Variants in CSTL1 observed in about 807,000 individuals in gnomAD.
The protein encoded by CSTL1 is cystatin like 1.
In CSTL1, 14 loss-of-function variants were observed where a neutral mutation model predicts 14.4. The ratio of observed to expected loss-of-function variants is 0.97; its 90% confidence interval spans 0.64 to 1.52. The LOEUF (loss-of-function observed/expected upper bound fraction) is 1.52. Ranked by LOEUF, CSTL1 falls within the 40% of genes most tolerant of loss-of-function variation. CSTL1 has a pLI of 0.00. For missense variants in CSTL1, 170 were observed against 168.7 expected (o/e 1.01, Z -0.04); for synonymous variants, 72 against 67.5 (o/e 1.07, Z -0.33).
the CSTL1 span, among the ~76,000 whole-genome samples, chr20:23,452,109 A>G: frequency 6.6e-6 from 1 of 152,256 alleles, no homozygotes; most frequent in Non-Finnish European, 1.5e-5. Flanking sequence ...ACCAGAAACC[A>G]TCAGAAACAT....
At chr20:23,456,829 T>C in the CSTL1 span, among the ~76,000 whole-genome samples, 2 of 152,178 alleles carry the variant, frequency 1.3e-5, no homozygotes, top group Non-Finnish European at 2.9e-5. Flanking sequence ...AAAGCCAGCA[T>C]GGAGTCTCTT....
chr20:23,443,576 G>A (rs1986889086), intron 2 of CSTL1, among the ~76,000 whole-genome samples: 1 of 152,168 alleles, frequency 6.6e-6, no homozygotes, highest in Non-Finnish European at 1.5e-5. Flanking sequence ...TGGGGGGGTG[G>A]GGACAAGATG....
rs1420431374 is a variant in CSTL1 at position 23,444,910 on chromosome 20, T to C, written c.*32T>C. On this transcript the variant is annotated 3_prime_UTR_variant, in exon 4 of 4. Transcript: ENST00000347397. ...ATATGATTGAGTTGTGCACTGGCTG[T>C]TATTAAACTGTAAAGGATCATGTCT... 1 of 1,399,302 alleles carries C rather than the reference T, an allele frequency of 7.1e-7. No homozygotes were observed. The highest frequency in any genetic ancestry group is 1.2e-5 in the South Asian group (1 of 86,764). 86.7% of individuals were successfully genotyped at this position (1,399,302 alleles called of 1,614,324 possible). A position where few individuals can be genotyped will look rare whatever the true frequency, so the allele number is the denominator to read the frequency against.
chr20:23,440,793 G>A (rs1291506000), intron 2 of CSTL1: 3 of 379,274 alleles, frequency 7.9e-6, no homozygotes, highest in African/African-American at 2.3e-5. Flanking sequence ...TTTCGCTCTT[G>A]TTGCCCACGC....
the CSTL1 span, chr20:23,452,844 T>G: frequency 7.2e-6 from 11 of 1,535,092 alleles, no homozygotes; most frequent in Admixed American, 2.0e-4. Flanking sequence ...AAGAGTGTTC[T>G]CTGTACTCCT....
rs1684476760 is a variant in CSTL1 at position 23,444,570 on chromosome 20, TG to T, written c.331-199del. Among the ~76,000 whole-genome samples, 4 of 152,256 alleles carry T rather than the reference TG, an allele frequency of 2.6e-5. No homozygotes were observed. In the South Asian group the frequency reaches 8.3e-4, roughly 32 times the overall value. Reference sequence around the variant, plus strand: ...AGGTTCACCTGCTGTGGGTCCCAAGTGGCTGGGTAGGGGGAAGACAGGGTGA... The same window carrying T: ...AGGTTCACCTGCTGTGGGTCCCAAGTGCTGGGTAGGGGGAAGACAGGGTGA... On this transcript the variant is annotated intron_variant, in intron 3 of 3. Coordinates refer to ENST00000347397, the MANE Select transcript of CSTL1 (RefSeq NM_138283.1).
the CSTL1 span, chr20:23,452,545 G>A: frequency 1.4e-3 from 1,825 of 1,316,964 alleles, 19 homozygotes; most frequent in African/African-American, 0.021. Flanking sequence ...CGATGTGGGC[G>A]TATCAGGCCT....
At chr20:23,440,121 T>C in intron 1 of CSTL1, 23 bp from the exon 2 acceptor site, 1 of 719,862 alleles carries the variant, frequency 1.4e-6, no homozygotes, top group East Asian at 2.7e-5. Context: ...AAGGTTCAGG[T>C]CTGAATCTCT....
chr20:23,452,107 C>T, the CSTL1 span, among the ~76,000 whole-genome samples: 1 of 152,216 alleles, frequency 6.6e-6, no homozygotes, highest in Admixed American at 6.5e-5. Flanking sequence ...TAACCAGAAA[C>T]CATCAGAAAC....
Position 23,443,978 on chromosome 20 carries a change from G to A in CSTL1, c.264G>A (p.Trp88Ter). Residue 88 changes from tryptophan (W) to a stop codon, truncating the protein, a stop_gained, in exon 3 of 4, where the codon TGG (tryptophan) becomes TGA (stop). Transcript: ENST00000347397. LOFTEE classifies it high-confidence loss of function. ...ATATAGTCACTGTGAAGATTGGCTG[G>A]ACCAAATGCAAGAGGAATGACACGA... ...VEYIVTVKIG[W>*]TKCKRNDTSN... 6 of 1,614,132 alleles carry A rather than the reference G, an allele frequency of 3.7e-6. No homozygotes were observed. Among genetic ancestry groups the A allele is most frequent in the Non-Finnish European group, 5.1e-6 (6 of 1,179,984 alleles).
chr20:23,446,338 CT>C (rs1986966827), downstream of CSTL1, among the ~76,000 whole-genome samples: 1 of 151,918 alleles, frequency 6.6e-6, no homozygotes, highest in African/African-American at 2.4e-5. Flanking sequence ...TCACTGCAGT[CT>C]CCGCCTCCCA....
chr20:23,442,481 C>T (rs558650224), intron 2 of CSTL1: 24 of 152,346 alleles, frequency 1.6e-4, no homozygotes, highest in African/African-American at 4.6e-4. Context: ...CTGTCATTAT[C>T]GAACAAATAA....
intron 2 of CSTL1, among the ~76,000 whole-genome samples, chr20:23,441,967 G>C (rs1986844736): frequency 6.6e-6 from 1 of 152,230 alleles, no homozygotes; most frequent in Non-Finnish European, 1.5e-5. Flanking sequence ...TCCCAATGCA[G>C]ACTGTCCCAC....
downstream of CSTL1, among the ~76,000 whole-genome samples, chr20:23,445,346 G>A (rs144407231): frequency 7.9e-5 from 12 of 151,280 alleles, no homozygotes; most frequent in East Asian, 3.9e-4. Flanking sequence ...TGACTTCCCC[G>A]GGCTCAAGTG....
the CSTL1 span, among the ~76,000 whole-genome samples, chr20:23,454,922 G>A: frequency 2.1e-4 from 32 of 152,292 alleles, no homozygotes; most frequent in Middle Eastern, 6.8e-3. Flanking sequence ...TTGCAGTGGG[G>A]GTAGTCTCAT....
At chr20:23,451,811 A>C in the CSTL1 span, 1 of 1,611,406 alleles carries the variant, frequency 6.2e-7, no homozygotes, top group Non-Finnish European at 8.5e-7. Context: ...GCTTTTACCC[A>C]ATACCTTGTG....
chr20:23,444,307 T>C (rs1986916223), intron 3 of CSTL1, among the ~76,000 whole-genome samples: 1 of 152,214 alleles, frequency 6.6e-6, no homozygotes, highest in African/African-American at 2.4e-5. Flanking sequence ...AAAGCAGTGG[T>C]TCCCTTTCCT....
At chr20:23,452,887 G>T in the CSTL1 span, 2 of 1,170,820 alleles carry the variant, frequency 1.7e-6, no homozygotes, top group Non-Finnish European at 2.4e-6. Context: ...GACCCTACCT[G>T]CCCTGGCAGG....
At chr20:23,459,911 C>T in the CSTL1 span, among the ~76,000 whole-genome samples, 1 of 152,222 alleles carries the variant, frequency 6.6e-6, no homozygotes, top group Non-Finnish European at 1.5e-5. Context: ...TCTGGCCTCT[C>T]CCTGCACAAT....
Sources: allele counts gnomAD v4.1 joint callset (sites outside exome capture counted in the v4.1 genomes callset), GRCh38; gene constraint gnomAD v4.1.1; transcripts MANE v1.5; gene names NCBI Gene and HGNC (gene_info 2026-07-23, HGNC 2026-07-21).